The following PGAP3 variants were observed in gnomAD, a reference collection of about 807,000 sequenced individuals.
PGAP3 encodes GPI-specific phospholipase A2-like PGAP3.
PGAP3 carries 31 observed loss-of-function variants against 40.3 expected under a neutral mutation model. That is an observed-to-expected ratio of 0.77 (90% CI 0.58 to 1.04). PGAP3 has a LOEUF of 1.04. Ranked by LOEUF, PGAP3 falls within the 50% of genes least tolerant of loss-of-function variation. The pLI, the probability that PGAP3 is intolerant of heterozygous loss-of-function variation, is 0.00. For missense variants in PGAP3, 413 were observed against 423.0 expected (o/e 0.98, Z 0.21); for synonymous variants, 191 against 184.5 (o/e 1.04, Z -0.29).
intron 6 of PGAP3, 72 bp from the exon 7 acceptor site, chr17:39,673,327 GCT>G: frequency 3.2e-6 from 5 of 1,559,664 alleles, no homozygotes; most frequent in Non-Finnish European, 4.3e-6. Context: ...CCAACTCCAT[GCT>G]CTCTGACCCC....
intron 1 of PGAP3, among the ~76,000 whole-genome samples, chr17:39,687,073 G>A (rs2057551737): frequency 6.6e-6 from 1 of 152,114 alleles, no homozygotes; most frequent in South Asian, 2.1e-4. Flanking sequence ...TCCTGGATGT[G>A]CCCACATCTG....
chr17:39,684,452 G>A, intron 3 of PGAP3, 145 bp downstream of exon 3: 1 of 1,035,158 alleles, frequency 9.7e-7, no homozygotes, highest in Non-Finnish European at 1.4e-6. Context: ...TTCTCCCCAG[G>A]CTTTACCACC....
Position 39,673,042 on chromosome 17 carries a change from A to G in PGAP3, c.899+9T>C. Reference sequence around the variant, plus strand: ...AGAAGGTGAGCACCAGGCAGGGGGCAGCACCCACCTGAAAAAGAGGACGTG... The same window carrying G: ...AGAAGGTGAGCACCAGGCAGGGGGCGGCACCCACCTGAAAAAGAGGACGTG... On this transcript the variant is annotated intron_variant, in intron 7 of 7. Transcript: ENST00000300658. 1.3e-6 allele frequency: 2 copies of G among 1,599,516 alleles called. No individual in the cohort carries two copies. The highest frequency in any genetic ancestry group is 8.5e-7 in the Non-Finnish European group (1 of 1,173,368).
In PGAP3 at chr17:39,684,613, C is replaced by A; in HGVS notation, c.416G>T (p.Cys139Phe). The change falls in exon 3 of 8, where the codon TGT becomes TTT. Residue 139 changes from cysteine (C) to phenylalanine (F), a missense_variant. By Grantham distance (205) the Cys-to-Phe change is radical (BLOSUM62 -2). Coordinates refer to ENST00000300658, the MANE Select transcript of PGAP3 (RefSeq NM_033419.5). Reference protein sequence around the residue: ...VPASSPMYHTCVAFAWVSLNA... With the variant: ...VPASSPMYHTFVAFAWVSLNA... ...GTTACCTACCCAGGCGAAGGCCACA[C>A]AGGTGTGGTACATGGGGGAGGAGGC... The A allele has an allele frequency of 6.2e-7, 1 of 1,612,888 alleles. No individual in the cohort carries two copies. The highest frequency in any genetic ancestry group is 1.1e-5 in the South Asian group (1 of 90,904).
intron 3 of PGAP3, among the ~76,000 whole-genome samples, chr17:39,680,313 A>C (rs912623081): frequency 6.6e-6 from 1 of 152,188 alleles, no homozygotes; most frequent in African/African-American, 2.4e-5. Context: ...CTCAGAGCTC[A>C]TAAGGGTACT....
At chr17:39,683,596 AT>A (rs1417004416) in intron 3 of PGAP3, among the ~76,000 whole-genome samples, 2 of 152,014 alleles carry the variant, frequency 1.3e-5, no homozygotes, top group Non-Finnish European at 2.9e-5. Flanking sequence ...GTGAATGGAA[AT>A]TTTTTCCTTA....
chr17:39,685,887 T>C, intron 2 of PGAP3, 35 bp downstream of exon 2: 2 of 1,579,828 alleles, frequency 1.3e-6, no homozygotes, highest in South Asian at 2.2e-5. Context: ...CCTACCACGC[T>C]ACTACCATAT....
At chr17:39,674,083 C>T in intron 4 of PGAP3, 29 bp from the exon 5 acceptor site, 6 of 1,606,094 alleles carry the variant, frequency 3.7e-6, no homozygotes, top group Non-Finnish European at 5.1e-6. Flanking sequence ...GGTGAGGGAC[C>T]AGCATGAGGC....
rs1448395998 is a variant in PGAP3 at position 39,687,852 on chromosome 17, T to C, written c.163A>G (p.Ile55Val). ...GGCTTACCTGCTAGACTCATGTAGA[T>C]TGGCTGGCGGGAGCGGAAGTGATTC... ...ALNHFRSRQP[I>V]YMSLAGWTCR... is the part of the protein sequence containing the mutation. The change falls in exon 1 of 8, where the codon ATC becomes GTC. Residue 55 changes from isoleucine (I) to valine (V), a missense_variant. Ile to Val is a conservative substitution (Grantham distance 29). Coordinates refer to ENST00000300658, the MANE Select transcript of PGAP3 (RefSeq NM_033419.5). 2.5e-5 allele frequency: 38 copies of C among 1,497,492 alleles called. No homozygotes were observed. The highest frequency in any genetic ancestry group is 1.9e-4 in the Middle Eastern group (1 of 5,378). 92.8% of individuals were successfully genotyped at this position (1,497,492 alleles called of 1,614,324 possible).
chr17:39,682,498 G>A (rs2517958), intron 3 of PGAP3, among the ~76,000 whole-genome samples: 79,845 of 151,976 alleles, frequency 0.53, 23,841 homozygotes, highest in South Asian at 0.7. Context: ...AATGCTTAGA[G>A]TGATGCCTGG....
intron 3 of PGAP3, 140 bp downstream of exon 3, chr17:39,684,457 A>C (rs1466895588): frequency 9.3e-7 from 1 of 1,074,620 alleles, no homozygotes; most frequent in Non-Finnish European, 1.3e-6. Context: ...CCCAGGCTTT[A>C]CCACCCTGCA....
chr17:39,686,135 G>C, intron 1 of PGAP3, 116 bp from the exon 2 acceptor site: 1 of 815,774 alleles, frequency 1.2e-6, no homozygotes, highest in Non-Finnish European at 2.0e-6. Context: ...GAGAGAACCA[G>C]GAGAAATCTC....
chr17:39,674,882 C>A (rs1287682560), intron 3 of PGAP3, among the ~76,000 whole-genome samples: 1 of 152,160 alleles, frequency 6.6e-6, no homozygotes, highest in Admixed American at 6.5e-5. Flanking sequence ...CTTCCTGCCA[C>A]CCCAAACCCC....
At chr17:39,678,289 G>A (rs1459297454) in intron 3 of PGAP3, among the ~76,000 whole-genome samples, 2 of 152,184 alleles carry the variant, frequency 1.3e-5, no homozygotes, top group East Asian at 3.9e-4. Flanking sequence ...CTACAGAGAT[G>A]GTTTGGGCTT....
At chr17:39,675,888 T>C (rs2057369870) in intron 3 of PGAP3, among the ~76,000 whole-genome samples, 1 of 152,208 alleles carries the variant, frequency 6.6e-6, no homozygotes, top group Non-Finnish European at 1.5e-5. Flanking sequence ...CCTTGCTGCT[T>C]CTGCTCCTCT....
intron 2 of PGAP3, 119 bp downstream of exon 2, chr17:39,685,803 G>A (rs1047761398): frequency 5.9e-6 from 5 of 850,370 alleles, no homozygotes; most frequent in African/African-American, 1.7e-5. Context: ...ACAGGTAGCT[G>A]CCCCAAACAC....
At chr17:39,679,348 T>C (rs2057412251) in intron 3 of PGAP3, among the ~76,000 whole-genome samples, 1 of 152,108 alleles carries the variant, frequency 6.6e-6, no homozygotes, top group South Asian at 2.1e-4. Flanking sequence ...GCAGATACCA[T>C]TGAGGTGAAA....
chr17:39,686,691 C>T (rs1205614057), intron 1 of PGAP3, among the ~76,000 whole-genome samples: 1 of 151,556 alleles, frequency 6.6e-6, no homozygotes, highest in Non-Finnish European at 1.5e-5. Flanking sequence ...TCCCAAGTAG[C>T]GAGACCACAA....
rs2057344757 is a variant in PGAP3 at position 39,674,041 on chromosome 17, A to T, written c.509T>A (p.Phe170Tyr). ...DTDLTEKMDY[F>Y]CASTVILHSI... Reference sequence around the variant, plus strand: ...GTGTAGGATGACAGTGGAGGCACAGAAGTAGTCCATTTTCTGAGGACAGGG... The same window carrying T: ...GTGTAGGATGACAGTGGAGGCACAGTAGTAGTCCATTTTCTGAGGACAGGG... The change falls in exon 5 of 8, where the codon TTC (phenylalanine) becomes TAC (tyrosine). Residue 170 changes from phenylalanine to tyrosine, a missense_variant. Phe to Tyr is a conservative substitution (Grantham distance 22, BLOSUM62 3). Coordinates refer to ENST00000300658, the MANE Select transcript of PGAP3 (RefSeq NM_033419.5). 6.2e-7 allele frequency: 1 copy of T among 1,613,950 alleles called. No individual in the cohort carries two copies. The highest frequency in any genetic ancestry group is 1.1e-5 in the South Asian group (1 of 91,082).
Sources: gnomAD v4.1 joint callset for allele counts (sites outside exome capture counted in the v4.1 genomes callset) on GRCh38, gnomAD v4.1.1 for gene constraint, MANE v1.5 for transcripts, NCBI Gene and HGNC (gene_info 2026-07-23, HGNC 2026-07-21) for gene names.